MYO18A: variants seen among roughly 807,000 people sequenced by gnomAD.
The protein encoded by MYO18A is unconventional myosin-XVIIIa.
In MYO18A, 78 loss-of-function variants were observed where a neutral mutation model predicts 235.8. That is an observed-to-expected ratio of 0.33 (90% confidence interval 0.28 to 0.40). MYO18A has a LOEUF of 0.40. MYO18A is among the 10% of genes least tolerant of loss of function. The pLI, the probability that MYO18A is intolerant of heterozygous loss-of-function variation, is 1.00. For synonymous variants in MYO18A, 977 were observed against 1,077.8 expected (o/e 0.91, Z 1.83); for missense variants, 2,215 against 2,699.3 (o/e 0.82, Z 3.98).
intron 2 of MYO18A, among the ~76,000 whole-genome samples, chr17:29,129,673 C>T (rs1277014709): frequency 6.6e-6 from 1 of 152,224 alleles, no homozygotes; most frequent in Non-Finnish European, 1.5e-5. Context: ...CCGTGAAGGC[C>T]CACCTGCCCA....
chr17:29,099,576 G>T, intron 22 of MYO18A, 58 bp downstream of exon 22: 1 of 1,576,948 alleles, frequency 6.3e-7, no homozygotes. Flanking sequence ...CCCCACCCCA[G>T]GAACTTGGCT....
In MYO18A at chr17:29,120,229, C is replaced by T. The variant is rs2067164604; in HGVS notation, c.1728+387G>A. 6.6e-6 allele frequency among the ~76,000 whole-genome samples: 1 copy of T among 152,212 alleles called. No individual in the cohort carries two copies. The highest frequency in any genetic ancestry group is 1.5e-5 in the Non-Finnish European group (1 of 68,034). ...TGGGAGCTTGTGGTGAGGTATTTAG[C>T]ATGGGAGGGAATCAGCCTTGGCTGG... On this transcript the variant is annotated intron_variant, in intron 7 of 41. Transcript: ENST00000527372. This position sits in a 1 kb window ranked among gnomAD's most constrained non-coding sequence, Gnocchi z 4.2.
At chr17:29,093,112 T>C in intron 32 of MYO18A, 111 bp from the exon 33 acceptor site, 10 of 1,421,264 alleles carry the variant, frequency 7.0e-6, no homozygotes, top group Non-Finnish European at 9.4e-6. Context: ...ATAAGGATGC[T>C]GGAAGAGCCA....
chr17:29,082,114 T>A (rs2066136641), intron 41 of MYO18A, among the ~76,000 whole-genome samples: 1 of 152,176 alleles, frequency 6.6e-6, no homozygotes, highest in South Asian at 2.1e-4. Flanking sequence ...TGGGAAAACA[T>A]TCCCTGGAAA....
chr17:29,085,243 T>A (rs191838476), intron 40 of MYO18A, among the ~76,000 whole-genome samples: 74 of 152,294 alleles, frequency 4.9e-4, no homozygotes, highest in Non-Finnish European at 8.4e-4. Flanking sequence ...AACAGACTTT[T>A]CCCCCCAGAG....
intron 28 of MYO18A, among the ~76,000 whole-genome samples, 184 bp downstream of exon 28, chr17:29,096,577 C>T (rs753214957): frequency 1.9e-4 from 29 of 152,326 alleles, no homozygotes; most frequent in Non-Finnish European, 3.5e-4. Context: ...AGTGGGGACA[C>T]AGCCTGAGTC....
At chr17:29,085,771 G>T in intron 39 of MYO18A, 123 bp from the exon 40 acceptor site, 1 of 966,016 alleles carries the variant, frequency 1.0e-6, no homozygotes, top group Non-Finnish European at 1.6e-6. Flanking sequence ...AGCTCTGGCT[G>T]GTTGAGACCA....
chr17:29,166,512 C>T lies in MYO18A; in HGVS notation c.429G>A (p.Gln143=). Residue 143 remains glutamine, a synonymous_variant, in exon 2 of 42, where the codon CAG becomes CAA. Coordinates refer to ENST00000527372, the MANE Select transcript of MYO18A (RefSeq NM_078471.4). ...QMIVKRFSFS[Q]RSRDESASET... The stretch of plus-strand genomic sequence containing the variant: ...CTGAGGCGCTCTCATCCCGGCTACG[C>T]TGGGAGAAGGAAAAGCGCTTGACAA... The T allele has an allele frequency of 6.2e-7, 1 of 1,613,712 alleles. No individual in the cohort carries two copies. The highest frequency in any genetic ancestry group is 8.5e-7 in the Non-Finnish European group (1 of 1,179,860).
intron 2 of MYO18A, chr17:29,131,502 G>C: frequency 1.1e-6 from 1 of 887,066 alleles, no homozygotes; most frequent in Non-Finnish European, 1.4e-6. Flanking sequence ...AGCACTAAAA[G>C]CACAGGGAGA....
At chr17:29,130,808 C>A (rs2152895329) in intron 2 of MYO18A, among the ~76,000 whole-genome samples, 1 of 152,274 alleles carries the variant, frequency 6.6e-6, no homozygotes, top group East Asian at 1.9e-4. Context: ...CAGGTTTATT[C>A]AGGGTCTCTA....
At chr17:29,159,217 C>T (rs2068121672) in intron 2 of MYO18A, among the ~76,000 whole-genome samples, 1 of 152,074 alleles carries the variant, frequency 6.6e-6, no homozygotes, top group Non-Finnish European at 1.5e-5. Context: ...ATGATCTAGT[C>T]CACTGCTTCG....
Position 29,095,071 on chromosome 17 carries a change from T to C in MYO18A, c.4386-12A>G. 2 of 1,516,496 alleles carry C rather than the reference T, an allele frequency of 1.3e-6. 1 individual carries two copies. The highest frequency in any genetic ancestry group is 2.5e-5 in the South Asian group (2 of 79,246). 93.9% of individuals were successfully genotyped at this position (1,516,496 alleles called of 1,614,324 possible). A position where few individuals can be genotyped will look rare whatever the true frequency, so the allele number is the denominator to read the frequency against. ...GCTCACTGTCAAACCTGCGAGGGAG[T>C]GTGGCGGCTCCATCAGATGGGGAAG... On this transcript the variant is annotated splice_polypyrimidine_tract_variant and intron_variant, in intron 28 of 41. Coordinates refer to ENST00000527372, the MANE Select transcript of MYO18A (RefSeq NM_078471.4).
At chr17:29,174,613 G>A (rs1478197443) in intron 1 of MYO18A, among the ~76,000 whole-genome samples, 2 of 152,134 alleles carry the variant, frequency 1.3e-5, no homozygotes, top group Non-Finnish European at 2.9e-5. Flanking sequence ...TCAGAAGTTC[G>A]AGACTAGCCT....
At chr17:29,134,928 AACACACAATT>A (rs1471269298) in intron 2 of MYO18A, among the ~76,000 whole-genome samples, 1 of 152,162 alleles carries the variant, frequency 6.6e-6, no homozygotes, top group Non-Finnish European at 1.5e-5. Context: ...TTCCAGCTGT[AACACACAATT>A]ACGTGGGGCA....
intron 11 of MYO18A, 131 bp from the exon 12 acceptor site, chr17:29,115,971 A>G (rs2067049852): frequency 2.1e-6 from 2 of 967,058 alleles, no homozygotes; most frequent in African/African-American, 3.3e-5. Flanking sequence ...GATGGGCTTC[A>G]GGCAGAACAG....
At chr17:29,169,566 A>G (rs1598400158) in intron 1 of MYO18A, among the ~76,000 whole-genome samples, 2 of 152,174 alleles carry the variant, frequency 1.3e-5, no homozygotes, top group South Asian at 4.2e-4. Flanking sequence ...TGTGGCACAG[A>G]CCTACCATAA....
Position 29,095,011 on chromosome 17 carries a change from C to T in MYO18A, c.4434G>A (p.Lys1478=). The change falls in exon 29 of 42, where the codon AAG becomes AAA. Residue 1478 remains lysine, a synonymous_variant. Transcript: ENST00000527372. Reference sequence around the variant, plus strand: ...CCCGCTGCAGCTTCTCCCGCTGCAGCTTCTCCCGCTGGGCCTCCTCATGCG... The same window carrying T: ...CCCGCTGCAGCTTCTCCCGCTGCAGTTTCTCCCGCTGGGCCTCCTCATGCG... ...SQAHEEAQRE[K]LQREKLQREK... 1 of 1,582,452 alleles carries T rather than the reference C, an allele frequency of 6.3e-7. No individual in the cohort carries two copies. The highest frequency in any genetic ancestry group is 8.6e-7 in the Non-Finnish European group (1 of 1,163,328).
intron 2 of MYO18A, among the ~76,000 whole-genome samples, chr17:29,161,895 T>C (rs940767766): frequency 9.2e-5 from 14 of 152,206 alleles, no homozygotes; most frequent in Non-Finnish European, 1.6e-4. Flanking sequence ...TCACCAGACT[T>C]AGGAAACACT....
intron 2 of MYO18A, among the ~76,000 whole-genome samples, chr17:29,154,103 T>A (rs1026402519): frequency 2.9e-5 from 4 of 139,270 alleles, no homozygotes; most frequent in African/African-American, 5.6e-5. Context: ...TTCTGCAGAG[T>A]GTGTGTGTGT....
Sources: allele counts gnomAD v4.1 joint callset (sites outside exome capture counted in the v4.1 genomes callset), GRCh38; gene constraint gnomAD v4.1.1; non-coding constraint Gnocchi (gnomAD v3.1); transcripts MANE v1.5; gene names NCBI Gene and HGNC (gene_info 2026-07-23, HGNC 2026-07-21).